The following LRBA variants were observed in gnomAD, a reference collection of about 807,000 sequenced individuals.
LRBA encodes the protein LPS responsive beige-like anchor protein, also known as lipopolysaccharide-responsive and beige-like anchor protein.
In LRBA, 176 loss-of-function variants were observed where a neutral mutation model predicts 330.0. That is an observed-to-expected ratio of 0.53 (90% CI 0.47 to 0.60). The LOEUF is 0.60. Among genes scored for constraint, LRBA ranks in the 20% least tolerant of loss-of-function variants. LRBA has a pLI of 0.00. For synonymous variants in LRBA, 1,230 were observed against 1,193.0 expected (o/e 1.03, Z -0.64); for missense variants, 3,259 against 3,444.8 (o/e 0.95, Z 1.35).
At chr4:150,282,408 A>C in intron 55 of LRBA, 42 bp downstream of exon 55, 1 of 1,548,384 alleles carries the variant, frequency 6.5e-7, no homozygotes, top group Non-Finnish European at 8.8e-7. Context: ...ACACACGTTG[A>C]GGTAAAAGTC....
intron 2 of LRBA, among the ~76,000 whole-genome samples, chr4:150,959,921 T>C (rs1304791186): frequency 7.3e-6 from 1 of 137,680 alleles, no homozygotes; most frequent in Non-Finnish European, 1.6e-5. Context: ...GTATACATAC[T>C]TTTTTTTTTT....
At chr4:150,391,442 A>G (rs1743914328) in intron 47 of LRBA, among the ~76,000 whole-genome samples, 1 of 152,216 alleles carries the variant, frequency 6.6e-6, no homozygotes, top group Non-Finnish European at 1.5e-5. Context: ...ATGTGGGCAT[A>G]GTCTAAAAAA....
chr4:150,827,606 T>C (rs1746462767), intron 30 of LRBA, among the ~76,000 whole-genome samples: 1 of 144,264 alleles, frequency 6.9e-6, no homozygotes, highest in Non-Finnish European at 1.5e-5. Context: ...TTTTTTTTCT[T>C]TTTTTTTTTT....
chr4:150,500,314 T>C (rs1395241362), intron 40 of LRBA, among the ~76,000 whole-genome samples: 14 of 151,124 alleles, frequency 9.3e-5, no homozygotes, highest in Non-Finnish European at 1.8e-4. Context: ...GGGGCTTATG[T>C]CTGTAATCCC....
At chr4:150,320,302 C>T (rs550833817) in intron 50 of LRBA, among the ~76,000 whole-genome samples, 101 of 152,204 alleles carry the variant, frequency 6.6e-4, no homozygotes, top group Admixed American at 1.2e-3. Context: ...CTCTTTAAAT[C>T]TGCACTGTTT....
intron 54 of LRBA, among the ~76,000 whole-genome samples, chr4:150,285,041 T>A (rs1249415513): frequency 2.0e-5 from 3 of 152,210 alleles, no homozygotes; most frequent in African/African-American, 7.2e-5. Flanking sequence ...CCAGTGGTTA[T>A]AGAATTATTG....
At chr4:150,686,200 G>C (rs1430663866) in intron 36 of LRBA, among the ~76,000 whole-genome samples, 1 of 152,176 alleles carries the variant, frequency 6.6e-6, no homozygotes, top group Non-Finnish European at 1.5e-5. Flanking sequence ...ACCTCTGTGA[G>C]GGTACTTGAG....
At chr4:150,548,617 C>A (rs1220950076) in intron 40 of LRBA, among the ~76,000 whole-genome samples, 1 of 152,026 alleles carries the variant, frequency 6.6e-6, no homozygotes, top group East Asian at 1.9e-4. Context: ...CCTAATGGTG[C>A]TGTTAAAAAC....
intron 50 of LRBA, among the ~76,000 whole-genome samples, chr4:150,317,304 A>G (rs1324590309): frequency 6.6e-6 from 1 of 152,134 alleles, no homozygotes; most frequent in Non-Finnish European, 1.5e-5. Context: ...TATGGGGTAC[A>G]TTTCAATAAG....
intron 53 of LRBA, among the ~76,000 whole-genome samples, chr4:150,298,288 T>C (rs563746357): frequency 3.3e-5 from 5 of 152,288 alleles, no homozygotes; most frequent in Admixed American, 2.0e-4. Context: ...CATGTTATGA[T>C]ACTACTTTTC....
intron 44 of LRBA, among the ~76,000 whole-genome samples, chr4:150,460,507 G>C (rs908773518): frequency 3.3e-5 from 5 of 151,738 alleles, no homozygotes; most frequent in African/African-American, 1.2e-4. Flanking sequence ...TAAACTGCTA[G>C]GTTAACAGAG....
At chr4:150,754,741 T>C (rs183993373) in intron 35 of LRBA, among the ~76,000 whole-genome samples, 3 of 152,144 alleles carry the variant, frequency 2.0e-5, no homozygotes, top group African/African-American at 7.2e-5. Flanking sequence ...CAAGAACTTA[T>C]CTCTTAAAAG....
At chr4:150,421,262 TTA>T (rs200157218) in intron 46 of LRBA, among the ~76,000 whole-genome samples, 2 of 140,008 alleles carry the variant, frequency 1.4e-5, no homozygotes, top group African/African-American at 2.6e-5. Context: ...CATACATATT[TTA>T]TATATATAAT....
At chr4:150,388,272 A>G (rs1743375518) in intron 47 of LRBA, among the ~76,000 whole-genome samples, 1 of 152,230 alleles carries the variant, frequency 6.6e-6, no homozygotes, top group Admixed American at 6.5e-5. Context: ...TCTCCAATAC[A>G]ATCACAGGGG....
intron 40 of LRBA, among the ~76,000 whole-genome samples, chr4:150,521,222 C>T (rs7687343): frequency 0.31 from 47,032 of 151,664 alleles, 7,497 homozygotes; most frequent in East Asian, 0.38. Context: ...TTTCCTTTTA[C>T]CTTTATTATA....
intron 47 of LRBA, among the ~76,000 whole-genome samples, chr4:150,413,268 A>C (rs1289662630): frequency 6.6e-6 from 1 of 152,086 alleles, no homozygotes; most frequent in African/African-American, 2.4e-5. Context: ...CAAAATGGTA[A>C]ACATTTTTAT....
chr4:150,627,082 A>G (rs1429870369), intron 37 of LRBA, among the ~76,000 whole-genome samples: 1 of 152,086 alleles, frequency 6.6e-6, no homozygotes, highest in African/African-American at 2.4e-5. Flanking sequence ...TCAACATCTC[A>G]TATTAGCCTT....
chr4:150,333,677 G>A (rs1179172678), intron 48 of LRBA, among the ~76,000 whole-genome samples: 2 of 152,100 alleles, frequency 1.3e-5, no homozygotes, highest in African/African-American at 2.4e-5. Flanking sequence ...ACACTTGCTG[G>A]ATATTTGACA....
At chr4:150,450,840 G>C (rs1247621545) in intron 44 of LRBA, among the ~76,000 whole-genome samples, 1 of 152,090 alleles carries the variant, frequency 6.6e-6, no homozygotes, top group East Asian at 1.9e-4. Context: ...TTTGAGACCA[G>C]CCTGGCCAAC....
Sources: allele counts gnomAD v4.1 joint callset (sites outside exome capture counted in the v4.1 genomes callset), GRCh38; gene constraint gnomAD v4.1.1; transcripts MANE v1.5; gene names NCBI Gene and HGNC (gene_info 2026-07-23, HGNC 2026-07-21).